PPP2R2C: variants seen among roughly 807,000 people sequenced by gnomAD.
PPP2R2C encodes the protein protein phosphatase 2, regulatory subunit B, gamma.
In PPP2R2C, 10 loss-of-function variants were observed where a neutral mutation model predicts 45.3. That is an observed-to-expected ratio of 0.22 (90% CI 0.14 to 0.37). The LOEUF (loss-of-function observed/expected upper bound fraction) is 0.37. Ranked by LOEUF, PPP2R2C falls within the 10% of genes least tolerant of loss-of-function variation. PPP2R2C has a pLI of 1.00. For missense variants in PPP2R2C, 308 were observed against 619.7 expected (o/e 0.50, Z 5.34); for synonymous variants, 257 against 245.4 (o/e 1.05, Z -0.44).
chr4:6,445,208 C>CA (rs374961616), intron 1 of PPP2R2C, among the ~76,000 whole-genome samples: 1,976 of 141,660 alleles, frequency 0.014, 42 homozygotes, highest in African/African-American at 0.044. Context: ...AAAATAAAAA[C>CA]AAAAAAAAAA....
At chr4:6,511,833 G>A (rs1404549642) in intron 2 of PPP2R2C, among the ~76,000 whole-genome samples, 1 of 93,000 alleles carries the variant, frequency 1.1e-5, no homozygotes, top group African/African-American at 4.1e-5. Context: ...TGGTGGTGGT[G>A]GTGATGGTGG....
rs62287294 is a variant in PPP2R2C, at chr4:6,558,259, C to T, written c.-59+5301G>A. Among the ~76,000 whole-genome samples the T allele has an allele frequency of 7.8e-3, 1,192 of 152,346 alleles. 6 individuals carry two copies. Among genetic ancestry groups the T allele is most frequent in the Admixed American group, 0.013 (205 of 15,312 alleles). On this transcript the variant is annotated intron_variant, in intron 1 of 9. Coordinates refer to the PPP2R2C transcript ENST00000506140. ...GCCAGCTAAGAAGATTAACACTACTCTCAGCTGCCATCTGTGACCTGGGGT... is the reference window on the plus strand; with the variant it reads ...GCCAGCTAAGAAGATTAACACTACTTTCAGCTGCCATCTGTGACCTGGGGT...
intron 5 of PPP2R2C, among the ~76,000 whole-genome samples, chr4:6,357,592 T>C (rs1713324898): frequency 6.6e-6 from 1 of 152,212 alleles, no homozygotes; most frequent in Non-Finnish European, 1.5e-5. Context: ...GCAGTCTTGC[T>C]TGGGTCACAC....
intron 2 of PPP2R2C, among the ~76,000 whole-genome samples, chr4:6,492,166 C>A (rs1393763256): frequency 6.6e-6 from 1 of 152,210 alleles, no homozygotes; most frequent in Non-Finnish European, 1.5e-5. Flanking sequence ...TCCATGGGAC[C>A]CTCTCTGCCT....
intron 5 of PPP2R2C, among the ~76,000 whole-genome samples, chr4:6,354,004 C>G (rs1408800802): frequency 1.5e-5 from 2 of 133,250 alleles, no homozygotes; most frequent in African/African-American, 5.9e-5. Context: ...AGCCCTGGGG[C>G]ACCAAGCCAG....
intron 2 of PPP2R2C, among the ~76,000 whole-genome samples, chr4:6,528,415 A>G (rs1464543902): frequency 5.3e-5 from 8 of 152,212 alleles, no homozygotes; most frequent in Non-Finnish European, 1.2e-4. Context: ...CCTGCCTCAG[A>G]ATCTTCAGGA....
At chr4:6,351,820 T>C (rs1712587701) in intron 5 of PPP2R2C, among the ~76,000 whole-genome samples, 1 of 152,110 alleles carries the variant, frequency 6.6e-6, no homozygotes, top group South Asian at 2.1e-4. Context: ...CTTCACGGTG[T>C]GGGCACCGGG....
intron 2 of PPP2R2C, among the ~76,000 whole-genome samples, chr4:6,520,039 G>C (rs1299364631): frequency 6.6e-6 from 1 of 152,234 alleles, no homozygotes; most frequent in Non-Finnish European, 1.5e-5. Flanking sequence ...GACAGGACGG[G>C]CTGGGTGTTA....
At chr4:6,337,116 A>G (rs1217338508) in intron 6 of PPP2R2C, among the ~76,000 whole-genome samples, 775 of 22,642 alleles carry the variant, frequency 0.034, 21 homozygotes, top group African/African-American at 0.18. Context: ...GTGTGTGTAT[A>G]TATATATATA....
intron 1 of PPP2R2C, among the ~76,000 whole-genome samples, chr4:6,448,777 C>G (rs34077531): frequency 0.28 from 42,803 of 152,124 alleles, 6,502 homozygotes; most frequent in Non-Finnish European, 0.36. Flanking sequence ...CCTCCTCCCC[C>G]CAGTGAGCAA....
In PPP2R2C at chr4:6,368,577, T is replaced by C. The variant is rs768061275; in HGVS notation, c.625+3946A>G. 3.8e-4 allele frequency among the ~76,000 whole-genome samples: 58 copies of C among 152,140 alleles called. 1 individual carries two copies. The highest frequency in any genetic ancestry group is 3.8e-4 in the Non-Finnish European group (26 of 68,024). ...CTCACGGTAACGGCCAGGGAGGACT[T>C]TGCAGTCCTGGGATGAACCAACCCC... is the stretch of plus-strand genomic sequence containing the variant. On this transcript the variant is annotated intron_variant, in intron 5 of 8. Transcript: ENST00000382599. This position sits in a 1 kb window ranked among gnomAD's most constrained non-coding sequence, Gnocchi z 4.2.
intron 1 of PPP2R2C, among the ~76,000 whole-genome samples, chr4:6,445,284 C>T (rs977322750): frequency 3.3e-5 from 5 of 152,128 alleles, no homozygotes; most frequent in Admixed American, 6.5e-5. Context: ...ATATTCTAGA[C>T]GCTTATGTTC....
intron 6 of PPP2R2C, among the ~76,000 whole-genome samples, chr4:6,336,642 TCCCTCCC>T (rs1732888252): frequency 1.1e-4 from 1 of 8,834 alleles, no homozygotes; most frequent in Non-Finnish European, 2.2e-4. Context: ...CTTCCCTCCC[TCCCTCCC>T]TCCCTCCCTC....
At chr4:6,449,826 T>G (rs1720641667) in intron 1 of PPP2R2C, among the ~76,000 whole-genome samples, 1 of 152,120 alleles carries the variant, frequency 6.6e-6, no homozygotes. Context: ...GGGTATGATT[T>G]CCAGAGAGAC....
At chr4:6,374,905 T>C (rs915823718) in intron 4 of PPP2R2C, among the ~76,000 whole-genome samples, 2 of 152,024 alleles carry the variant, frequency 1.3e-5, no homozygotes, top group Non-Finnish European at 2.9e-5. Context: ...GCAAACAAGG[T>C]GAGAGGCAGG....
chr4:6,549,266 T>C (rs1455183188), intron 1 of PPP2R2C, among the ~76,000 whole-genome samples: 1 of 151,710 alleles, frequency 6.6e-6, no homozygotes, highest in Non-Finnish European at 1.5e-5. Context: ...TTTTTCCACC[T>C]CCACCCCCAC....
At chr4:6,518,022 T>C (rs1394058063) in intron 2 of PPP2R2C, among the ~76,000 whole-genome samples, 1 of 152,208 alleles carries the variant, frequency 6.6e-6, no homozygotes, top group Non-Finnish European at 1.5e-5. Flanking sequence ...AGTATCAGAA[T>C]GGAGAGGATT....
intron 1 of PPP2R2C, chr4:6,413,940 C>CA: frequency 6.5e-7 from 1 of 1,536,122 alleles, no homozygotes; most frequent in South Asian, 1.2e-5. Context: ...TCGTTATACT[C>CA]AATCAGAATG....
chr4:6,444,054 G>T (rs1720297180), intron 1 of PPP2R2C, among the ~76,000 whole-genome samples: 2 of 152,166 alleles, frequency 1.3e-5, no homozygotes, highest in Non-Finnish European at 2.9e-5. Context: ...CTCTGCCCGT[G>T]ACAGAGTTTG....
Sources: allele counts gnomAD v4.1 joint callset (sites outside exome capture counted in the v4.1 genomes callset), GRCh38; gene constraint gnomAD v4.1.1; non-coding constraint Gnocchi (gnomAD v3.1); transcripts MANE v1.5; gene names NCBI Gene and HGNC (gene_info 2026-07-23, HGNC 2026-07-21).